WWC2: variants seen among roughly 807,000 people sequenced by gnomAD.
WWC2 encodes the protein protein WWC2.
Under a neutral mutation model 138.5 loss-of-function variants are expected in WWC2, and 101 were observed. The ratio of observed to expected loss-of-function variants is 0.73; its 90% CI spans 0.62 to 0.86. The LOEUF (loss-of-function observed/expected upper bound fraction) is 0.86, where lower values mean the gene tolerates loss of function less well. Among genes scored for constraint, WWC2 ranks in the 40% least tolerant of loss-of-function variants. WWC2 has a pLI of 0.00. For synonymous variants in WWC2, 558 were observed against 538.4 expected, an observed-to-expected ratio of 1.04 and a Z score of -0.50; for missense variants, 1,420 against 1,419.4, an observed-to-expected ratio of 1.00 and a Z score of -0.01.
chr4:183,260,525 C>T (rs183584982), intron 10 of WWC2, among the ~76,000 whole-genome samples: 2 of 152,282 alleles, frequency 1.3e-5, no homozygotes, highest in Admixed American at 1.3e-4. Context: ...TCTAGTTTAG[C>T]TATGTTTAGA....
intron 4 of WWC2, among the ~76,000 whole-genome samples, chr4:183,234,483 T>G (rs1210884280): frequency 1.3e-5 from 2 of 152,238 alleles, no homozygotes; most frequent in Admixed American, 1.3e-4. Flanking sequence ...TAAGGCAGAA[T>G]AAGGGTCACA....
At chr4:183,248,399 TAG>T (rs1736862861) in intron 6 of WWC2, among the ~76,000 whole-genome samples, 1 of 152,208 alleles carries the variant, frequency 6.6e-6, no homozygotes, top group African/African-American at 2.4e-5. Context: ...CCTATTGAAA[TAG>T]AGATAACTTC....
chr4:183,232,940 G>A (rs183767096), intron 4 of WWC2, among the ~76,000 whole-genome samples: 10 of 151,800 alleles, frequency 6.6e-5, no homozygotes, highest in African/African-American at 1.4e-4. Flanking sequence ...GATCCATTGC[G>A]TCCAGCCGTA....
intron 4 of WWC2, among the ~76,000 whole-genome samples, chr4:183,228,414 CTTTA>C (rs1206735069): frequency 1.3e-5 from 2 of 151,904 alleles, no homozygotes; most frequent in Admixed American, 6.6e-5. Flanking sequence ...GGTTGACAAG[CTTTA>C]TTTAATTAAT....
At chr4:183,309,525 A>T (rs1739142605) in intron 21 of WWC2, among the ~76,000 whole-genome samples, 1 of 152,248 alleles carries the variant, frequency 6.6e-6, no homozygotes, top group African/African-American at 2.4e-5. Context: ...CAACAATGAG[A>T]TACCTCTACA....
rs75078733 is a variant in WWC2, at chr4:183,207,831, C to T, written c.242-122C>T. The T allele has an allele frequency of 1.0e-4, 90 of 901,980 alleles. No homozygotes were observed. The East Asian group carries it at 2.2e-3, about 22-fold the overall frequency. The allele number at this position is 901,980 out of a possible 1,614,324, so 55.9% of individuals were successfully genotyped here. On this transcript the variant is annotated intron_variant, in intron 2 of 22. Transcript: ENST00000403733. ...ACTAAAATTTCTGGAGAAGTCACTC[C>T]AGCACAGCTAAATAAACTCCTTAGA...
chr4:183,304,710 C>T (rs1344838388), intron 21 of WWC2, among the ~76,000 whole-genome samples: 1 of 151,982 alleles, frequency 6.6e-6, no homozygotes, highest in Middle Eastern at 3.2e-3. Flanking sequence ...AACTCGTAGC[C>T]CAGGAGCACA....
At chr4:183,219,889 T>C (rs1344557726) in intron 4 of WWC2, among the ~76,000 whole-genome samples, 1 of 152,180 alleles carries the variant, frequency 6.6e-6, no homozygotes, top group African/African-American at 2.4e-5. Flanking sequence ...TTATTTAATA[T>C]GGCAGAGTTA....
At chr4:183,125,330 G>T (rs1732727417) in intron 1 of WWC2, among the ~76,000 whole-genome samples, 1 of 152,166 alleles carries the variant, frequency 6.6e-6, no homozygotes, top group Non-Finnish European at 1.5e-5. Flanking sequence ...CCTGACATCT[G>T]TCCTGTTTTG....
chr4:183,265,782 G>T lies in WWC2; in HGVS notation c.2120+14G>T, dbSNP rs369138259. The T allele has an allele frequency of 8.7e-6, 14 of 1,609,864 alleles. No individual in the cohort carries two copies. The highest frequency in any genetic ancestry group is 1.7e-5 in the Admixed American group (1 of 59,464). ...GATAGGACTCAGGTAAGGAATGTAC[G>T]TGGGAAAGGAGCAGTTCTGACATCT... On this transcript the variant is annotated intron_variant, in intron 13 of 22. Coordinates refer to ENST00000403733, the MANE Select transcript of WWC2 (RefSeq NM_024949.6).
At chr4:183,100,301 T>G (rs1743134829) in intron 1 of WWC2, among the ~76,000 whole-genome samples, 1 of 152,262 alleles carries the variant, frequency 6.6e-6, no homozygotes, top group Non-Finnish European at 1.5e-5. Context: ...GGAGATGTAG[T>G]GAAATTAACG....
At chr4:183,113,386 G>C (rs1254350262) in intron 1 of WWC2, among the ~76,000 whole-genome samples, 3 of 151,722 alleles carry the variant, frequency 2.0e-5, no homozygotes, top group Non-Finnish European at 2.9e-5. Flanking sequence ...CTATAGAAAG[G>C]GGTCCTATCA....
intron 21 of WWC2, among the ~76,000 whole-genome samples, chr4:183,298,936 AG>A (rs1738728707): frequency 1.3e-5 from 2 of 150,878 alleles, no homozygotes; most frequent in Non-Finnish European, 2.9e-5. Context: ...CAGGATACTC[AG>A]AGTGCAGTCT....
chr4:183,185,084 G>C (rs545354391), intron 1 of WWC2, among the ~76,000 whole-genome samples: 1 of 151,842 alleles, frequency 6.6e-6, no homozygotes, highest in African/African-American at 2.4e-5. Flanking sequence ...GAAGTTTACC[G>C]ATCAGTATTA....
chr4:183,281,739 C>T (rs1052821475), intron 17 of WWC2, among the ~76,000 whole-genome samples: 1 of 152,088 alleles, frequency 6.6e-6, no homozygotes, highest in South Asian at 2.1e-4. Context: ...TATAGATATA[C>T]TTTGTCCTTA....
chr4:183,206,158 T>G (rs1437758804), intron 2 of WWC2, among the ~76,000 whole-genome samples: 1 of 152,126 alleles, frequency 6.6e-6, no homozygotes, highest in Non-Finnish European at 1.5e-5. Context: ...TTCATTTCCC[T>G]TCTCTCAGAG....
intron 21 of WWC2, among the ~76,000 whole-genome samples, chr4:183,311,020 C>G (rs570388223): frequency 6.6e-6 from 1 of 152,042 alleles, no homozygotes. Context: ...AAGCAACTTG[C>G]CCAGATTTAC....
At chr4:183,222,789 C>T (rs576619736) in intron 4 of WWC2, among the ~76,000 whole-genome samples, 32 of 152,152 alleles carry the variant, frequency 2.1e-4, no homozygotes, top group African/African-American at 7.7e-4. Context: ...GAAAACCCAT[C>T]TCTACTGTTA....
intron 1 of WWC2, among the ~76,000 whole-genome samples, chr4:183,190,664 A>T (rs1427309523): frequency 6.6e-6 from 1 of 152,182 alleles, no homozygotes; most frequent in Non-Finnish European, 1.5e-5. Context: ...TTTTTATATT[A>T]AAAATTTTAA....
Sources: allele counts gnomAD v4.1 joint callset (sites outside exome capture counted in the v4.1 genomes callset), GRCh38; gene constraint gnomAD v4.1.1; transcripts MANE v1.5; gene names NCBI Gene and HGNC (gene_info 2026-07-23, HGNC 2026-07-21).